Variants in CSRNP3 observed in about 807,000 individuals in gnomAD.
CSRNP3 encodes the protein cysteine/serine-rich nuclear protein 3.
CSRNP3 carries 12 observed loss-of-function variants against 48.0 expected under a neutral mutation model. The observed-to-expected ratio is 0.25, with a 90% CI of 0.16 to 0.41. The LOEUF (loss-of-function observed/expected upper bound fraction) is 0.41. Among genes scored for constraint, CSRNP3 ranks in the 10% least tolerant of loss-of-function variants. CSRNP3 has a pLI of 1.00. For synonymous variants in CSRNP3, 263 were observed against 269.7 expected (o/e 0.98, Z 0.24); for missense variants, 580 against 724.4 (o/e 0.80, Z 2.29).
chr2:165,624,440 T>C (rs1271052897), intron 4 of CSRNP3, among the ~76,000 whole-genome samples: 5 of 152,228 alleles, frequency 3.3e-5, no homozygotes, highest in African/African-American at 1.2e-4. Flanking sequence ...TATTTTTCTT[T>C]GATTTAAGCT....
chr2:165,553,235 G>C (rs1685121100), intron 3 of CSRNP3, among the ~76,000 whole-genome samples: 1 of 151,826 alleles, frequency 6.6e-6, no homozygotes, highest in African/African-American at 2.4e-5. Context: ...ATAGCTCTTC[G>C]ACCTCACTGG....
At chr2:165,673,008 G>A (rs1041024638) in intron 5 of CSRNP3, among the ~76,000 whole-genome samples, 2 of 151,814 alleles carry the variant, frequency 1.3e-5, no homozygotes, top group Non-Finnish European at 2.9e-5. Flanking sequence ...AGAAATGATA[G>A]AGATGATATT....
intron 2 of CSRNP3, among the ~76,000 whole-genome samples, chr2:165,515,950 C>T (rs867050088): frequency 2.0e-4 from 30 of 151,858 alleles, no homozygotes; most frequent in African/African-American, 6.3e-4. Context: ...GAATTACAGG[C>T]GTGCACCACC....
chr2:165,601,838 G>A (rs1039871369), intron 4 of CSRNP3, among the ~76,000 whole-genome samples: 2 of 152,148 alleles, frequency 1.3e-5, no homozygotes, highest in African/African-American at 4.8e-5. Flanking sequence ...AAACAGATTT[G>A]ACATTAAACT....
intron 2 of CSRNP3, among the ~76,000 whole-genome samples, chr2:165,499,860 T>C (rs893749799): frequency 1.3e-5 from 2 of 152,082 alleles, no homozygotes; most frequent in African/African-American, 2.4e-5. Flanking sequence ...CAATGGACTC[T>C]CGGTTTGTTG....
chr2:165,497,258 GT>G (rs370969771), intron 2 of CSRNP3, among the ~76,000 whole-genome samples: 8 of 152,088 alleles, frequency 5.3e-5, no homozygotes, highest in East Asian at 1.9e-4. Context: ...AAGTTGATGA[GT>G]TTTTTTCCCC....
At chr2:165,568,733 T>C (rs1340687254) in intron 3 of CSRNP3, among the ~76,000 whole-genome samples, 1 of 152,112 alleles carries the variant, frequency 6.6e-6, no homozygotes, top group African/African-American at 2.4e-5. Flanking sequence ...TAGACTCTAC[T>C]TCTGGCTGAA....
intron 4 of CSRNP3, among the ~76,000 whole-genome samples, chr2:165,599,060 C>A (rs533321770): frequency 6.6e-6 from 1 of 151,250 alleles, no homozygotes; most frequent in African/African-American, 2.4e-5. Flanking sequence ...GGTCTCAAAT[C>A]CCCATCTCTA....
At chr2:165,516,512 A>G (rs1018170105) in intron 2 of CSRNP3, among the ~76,000 whole-genome samples, 2 of 152,190 alleles carry the variant, frequency 1.3e-5, no homozygotes, top group Non-Finnish European at 2.9e-5. Flanking sequence ...TTTATTAATT[A>G]GCTAGAATTA....
rs148728197 is a variant in CSRNP3 at position 165,589,008 on chromosome 2, T to A, written c.-23-6035T>A. ...ATTAAATAAAGCCAATTTGTAATGT[T>A]TGGCACATTTTCATTTGCTGTATAC... On this transcript the variant is annotated intron_variant, in intron 3 of 6. Transcript: ENST00000651982. Among the ~76,000 whole-genome samples, 71 of 152,324 alleles carry A rather than the reference T, an allele frequency of 4.7e-4. No homozygotes were observed. The East Asian group carries it at 0.013, about 27-fold the overall frequency.
chr2:165,607,833 T>C lies in CSRNP3; in HGVS notation c.148+12620T>C, dbSNP rs79674981. Among the ~76,000 whole-genome samples the C allele has an allele frequency of 1.3e-3, 205 of 152,234 alleles. 2 individuals are homozygous for C. The East Asian group carries it at 0.027, about 20-fold the overall frequency. Reference sequence around the variant, plus strand: ...CAGAATATTCTCACTCTAGGTTTAGTTCTGTTACAGTTTACTCTGACTTTG... The same window carrying C: ...CAGAATATTCTCACTCTAGGTTTAGCTCTGTTACAGTTTACTCTGACTTTG... On this transcript the variant is annotated intron_variant, in intron 4 of 6. Coordinates refer to ENST00000651982, the MANE Select transcript of CSRNP3 (RefSeq NM_001172173.2).
intron 4 of CSRNP3, among the ~76,000 whole-genome samples, chr2:165,653,082 G>C (rs908018014): frequency 2.6e-5 from 4 of 152,186 alleles, no homozygotes; most frequent in Non-Finnish European, 4.4e-5. Flanking sequence ...AAAGGGCAGA[G>C]ACTCTTTTTT....
chr2:165,598,003 G>T (rs185842615), intron 4 of CSRNP3, among the ~76,000 whole-genome samples: 79 of 152,154 alleles, frequency 5.2e-4, no homozygotes, highest in Admixed American at 2.4e-3. Flanking sequence ...TATTTAGAAA[G>T]CACTTCGGAA....
chr2:165,482,183 C>T (rs1684055472), intron 1 of CSRNP3, among the ~76,000 whole-genome samples: 1 of 151,966 alleles, frequency 6.6e-6, no homozygotes, highest in African/African-American at 2.4e-5. Context: ...TCAAGAGATC[C>T]TATTCAGGAT....
chr2:165,630,902 TAC>T lies in CSRNP3; in HGVS notation c.149-26857_149-26856del, dbSNP rs749866225. ...TTTATCAAAAGCCTACTAAGAGACA[TAC>T]AGAGATTTGTGAATGAATACCCCAG... On this transcript the variant is annotated intron_variant, in intron 4 of 6. Coordinates refer to ENST00000651982, the MANE Select transcript of CSRNP3 (RefSeq NM_001172173.2). Among the ~76,000 whole-genome samples, 19 of 152,274 alleles carry T rather than the reference TAC, an allele frequency of 1.2e-4. No homozygotes were observed. The East Asian group carries it at 1.9e-3, about 16-fold the overall frequency.
rs1006357958 is a variant in CSRNP3, at chr2:165,683,356, A to G, written c.*3603A>G. On this transcript the variant is annotated 3_prime_UTR_variant, in exon 7 of 7. Coordinates refer to ENST00000651982, the MANE Select transcript of CSRNP3 (RefSeq NM_001172173.2). ...TATATGGCCCTGCAATACTCCCTGA[A>G]TTCCTTCCCTCCAAAAAAAAACTAT... 6.6e-6 allele frequency: 1 copy of G among 151,842 alleles called. No homozygotes were observed. The highest frequency in any genetic ancestry group is 6.6e-5 in the Admixed American group (1 of 15,218). The allele number at this position is 151,842 out of a possible 1,614,324, so 9.4% of individuals were successfully genotyped here. A position where few individuals can be genotyped will look rare whatever the true frequency, so the allele number is the denominator to read the frequency against.
At chr2:165,566,907 G>A (rs1353264094) in intron 3 of CSRNP3, 1 of 152,014 alleles carries the variant, frequency 6.6e-6, no homozygotes, top group African/African-American at 2.4e-5. Flanking sequence ...ATCAATAAAT[G>A]AACCCAGATG....
intron 2 of CSRNP3, among the ~76,000 whole-genome samples, chr2:165,512,977 C>T (rs139963641): frequency 0.18 from 28,056 of 152,018 alleles, 2,767 homozygotes; most frequent in African/African-American, 0.21. Context: ...TGGTGGCACG[C>T]GCCTGTAGTC....
intron 3 of CSRNP3, among the ~76,000 whole-genome samples, chr2:165,534,057 G>A (rs1243437133): frequency 6.6e-6 from 1 of 151,918 alleles, no homozygotes. Context: ...AAGAAAATAA[G>A]GTAAAAATAA....
Sources: allele counts gnomAD v4.1 joint callset (sites outside exome capture counted in the v4.1 genomes callset), GRCh38; gene constraint gnomAD v4.1.1; transcripts MANE v1.5; gene names NCBI Gene and HGNC (gene_info 2026-07-23, HGNC 2026-07-21).